Variants in MAST4 observed in about 807,000 individuals in gnomAD.
The protein encoded by MAST4 is microtubule-associated serine/threonine-protein kinase 4.
A neutral mutation model predicts 162.7 loss-of-function variants in MAST4; 89 were observed. That is an observed-to-expected ratio of 0.55 (90% CI 0.46 to 0.65). The LOEUF (loss-of-function observed/expected upper bound fraction) is 0.65. MAST4 is among the 30% of genes least tolerant of loss of function. MAST4 has a pLI of 0.00. For missense variants in MAST4, 3,153 were observed against 3,374.0 expected, an observed-to-expected ratio of 0.93 and a Z score of 1.62; for synonymous variants, 1,479 against 1,361.1, an observed-to-expected ratio of 1.09 and a Z score of -1.91.
intron 22 of MAST4, 139 bp from the exon 23 acceptor site, chr5:67,145,005 C>T (rs1163163589): frequency 4.5e-6 from 4 of 898,348 alleles, no homozygotes; most frequent in Non-Finnish European, 5.1e-6. Flanking sequence ...CTGTGGGTAC[C>T]ACACATTAAG....
At chr5:66,943,080 C>T (rs1743553583) in intron 4 of MAST4, among the ~76,000 whole-genome samples, 1 of 152,084 alleles carries the variant, frequency 6.6e-6, no homozygotes, top group Admixed American at 6.6e-5. Flanking sequence ...TAATCACCTT[C>T]CCCTTCCAAA....
intron 4 of MAST4, among the ~76,000 whole-genome samples, chr5:66,952,137 C>G (rs542093183): frequency 6.6e-6 from 1 of 152,260 alleles, no homozygotes; most frequent in East Asian, 1.9e-4. Context: ...ATGATGAACC[C>G]TCTCTGAGGA....
At chr5:66,857,580 T>C (rs1210872786) in intron 3 of MAST4, among the ~76,000 whole-genome samples, 1 of 152,224 alleles carries the variant, frequency 6.6e-6, no homozygotes, top group African/African-American at 2.4e-5. Context: ...ACTATTCTGA[T>C]GGGTGTGAAG....
At position 66,847,820 on chromosome 5, in the gene MAST4, C is replaced by CAAAAAAAAAAA. The variant is rs777825639; in HGVS notation, c.643-52118_643-52108dup. Among the ~76,000 whole-genome samples the CAAAAAAAAAAA allele has an allele frequency of 1.7e-3, 94 of 54,120 alleles. 4 individuals carry two copies. The highest frequency in any genetic ancestry group is 0.011 in the South Asian group (8 of 730). 35.5% of individuals were successfully genotyped at this position (54,120 alleles called of 152,430 possible). On this transcript the variant is annotated intron_variant, in intron 3 of 28. Coordinates refer to ENST00000403625, the MANE Select transcript of MAST4 (RefSeq NM_001164664.2). ...TGGGTGCTGGAACAAGACTCCTTCT[C>CAAAAAAAAAAA]AAAAAAAAAAAAAAAAAAAAAAAGA...
At chr5:66,640,699 G>A (rs1200426404) in intron 1 of MAST4, among the ~76,000 whole-genome samples, 1 of 152,224 alleles carries the variant, frequency 6.6e-6, no homozygotes, top group Non-Finnish European at 1.5e-5. Context: ...ACGTGGGATT[G>A]ACAATATCTC....
At chr5:67,106,505 G>A (rs1408907699) in intron 10 of MAST4, among the ~76,000 whole-genome samples, 1 of 152,092 alleles carries the variant, frequency 6.6e-6, no homozygotes, top group African/African-American at 2.4e-5. Flanking sequence ...GACCTTCATA[G>A]TTTACTTCCT....
chr5:67,123,386 C>T (rs144588432), intron 14 of MAST4, among the ~76,000 whole-genome samples: 1 of 152,212 alleles, frequency 6.6e-6, no homozygotes, highest in Non-Finnish European at 1.5e-5. Flanking sequence ...CACTTCTGAT[C>T]CCTGACTGGA....
At position 66,856,367 on chromosome 5, in the gene MAST4, G is replaced by C. The variant is rs184503103; in HGVS notation, c.643-43584G>C. Among the ~76,000 whole-genome samples the C allele has an allele frequency of 1.9e-3, 288 of 152,322 alleles. 4 individuals carry two copies. The highest frequency in any genetic ancestry group is 6.7e-3 in the African/African-American group (278 of 41,580). ...GAGCACTAAGGCCTGATCCCAGGTA[G>C]GACCTTGATGGTTTGGATGGGAAAA... On this transcript the variant is annotated intron_variant, in intron 3 of 28. Coordinates refer to ENST00000403625, the MANE Select transcript of MAST4 (RefSeq NM_001164664.2).
chr5:66,901,652 A>T (rs466002), intron 4 of MAST4, among the ~76,000 whole-genome samples: 149,273 of 152,272 alleles, frequency 0.98, 73,417 homozygotes, highest in African/African-American at 1. Context: ...AGCATTCAGA[A>T]GATGAGCATG....
At chr5:66,729,582 G>T (rs537233909) in intron 1 of MAST4, among the ~76,000 whole-genome samples, 1 of 152,120 alleles carries the variant, frequency 6.6e-6, no homozygotes, top group Non-Finnish European at 1.5e-5. Flanking sequence ...CATCAATGCT[G>T]CATATTGAGG....
Position 67,165,183 on chromosome 5 carries a change from T to G in MAST4, c.6004T>G (p.Phe2002Val). ...CAGAGAGCCCTCCATGGAACTGTGC[T>G]TTCCAGAAACTGCGAAAACCAGTGA... ...TCREPSMELC[F>V]PETAKTSDNS... The change falls in exon 29 of 29, where the codon TTT (phenylalanine) becomes GTT (valine). Residue 2002 changes from phenylalanine (F) to valine (V), a missense_variant. Physicochemically the swap from Phe to Val is conservative, Grantham distance 50. This residue lies in a region of MAST4 where 1,644 missense variants were observed against 1,495.0 expected (regional missense o/e 1.10). Coordinates refer to ENST00000403625, the MANE Select transcript of MAST4 (RefSeq NM_001164664.2). The G allele has an allele frequency of 6.2e-7, 1 of 1,606,788 alleles. No homozygotes were observed. The highest frequency in any genetic ancestry group is 8.5e-7 in the Non-Finnish European group (1 of 1,176,540).
At position 66,837,886 on chromosome 5, in the gene MAST4, ATATATATATTTTTTTTTT is replaced by A. The variant is rs1409435590; in HGVS notation, c.642+49094_642+49111del. Among the ~76,000 whole-genome samples the A allele has an allele frequency of 8.4e-3, 442 of 52,792 alleles. 7 individuals are homozygous for A. The highest frequency in any genetic ancestry group is 0.035 in the African/African-American group (388 of 11,190). The allele number at this position is 52,792 out of a possible 152,430, so 34.6% of individuals were successfully genotyped here. A position where few individuals can be genotyped will look rare whatever the true frequency, so the allele number is the denominator to read the frequency against. Reference sequence around the variant, plus strand: ...ATTTTATATATATATATATATATATATATATATATTTTTTTTTTTTTTTTTTTTTTTAATGTGGAGGTG... The same window carrying A: ...ATTTTATATATATATATATATATATATTTTTTTTTTTTTAATGTGGAGGTG... On this transcript the variant is annotated intron_variant, in intron 3 of 28. Transcript: ENST00000403625.
intron 1 of MAST4, among the ~76,000 whole-genome samples, chr5:66,623,979 A>T (rs1200786206): frequency 2.0e-5 from 3 of 152,200 alleles, no homozygotes; most frequent in Non-Finnish European, 4.4e-5. Flanking sequence ...ACTCTCTAAA[A>T]GGAAAATTAA....
At chr5:66,776,069 A>T (rs1314006877) in intron 2 of MAST4, among the ~76,000 whole-genome samples, 1 of 152,226 alleles carries the variant, frequency 6.6e-6, no homozygotes, top group Non-Finnish European at 1.5e-5. Context: ...TGTGAATTAG[A>T]CTGTATGTAA....
At chr5:66,660,088 A>G (rs1302747041) in intron 1 of MAST4, among the ~76,000 whole-genome samples, 1 of 152,148 alleles carries the variant, frequency 6.6e-6, no homozygotes, top group South Asian at 2.1e-4. Context: ...AGAGTGGCAC[A>G]TGAAAGTGCT....
chr5:67,095,956 C>T lies in MAST4; in HGVS notation c.912+281C>T, dbSNP rs139482261. On this transcript the variant is annotated intron_variant, in intron 7 of 28. Coordinates refer to ENST00000403625, the MANE Select transcript of MAST4 (RefSeq NM_001164664.2). ...CATTTTAATAACATTTGGTGTAGTT[C>T]GGGGGGAAAAACACAATCTAGTTTT... is the stretch of plus-strand genomic sequence containing the variant. Among the ~76,000 whole-genome samples the T allele has an allele frequency of 1.4e-3, 220 of 152,048 alleles. 2 individuals carry two copies. The highest frequency in any genetic ancestry group is 5.1e-3 in the African/African-American group (213 of 41,492).
rs554474493 is a variant in MAST4 at position 66,975,716 on chromosome 5, G to A, written c.674+75734G>A. ...TCCCTGTTTAAATGCTGTTTAGGCC[G>A]GGCACGGTGGCTCATGCCTGTAATC... is the stretch of plus-strand genomic sequence containing the variant. On this transcript the variant is annotated intron_variant, in intron 4 of 28. Transcript: ENST00000403625. Among the ~76,000 whole-genome samples, 17 of 152,240 alleles carry A rather than the reference G, an allele frequency of 1.1e-4. No homozygotes were observed. In the South Asian group the frequency reaches 2.5e-3, roughly 22 times the overall value.
At chr5:66,812,871 C>T (rs1756544737) in intron 3 of MAST4, among the ~76,000 whole-genome samples, 1 of 152,194 alleles carries the variant, frequency 6.6e-6, no homozygotes, top group African/African-American at 2.4e-5. Flanking sequence ...TCTGAAGTCA[C>T]CACCTCTCTT....
chr5:66,691,686 A>G (rs1297818629), intron 1 of MAST4, among the ~76,000 whole-genome samples: 1 of 152,122 alleles, frequency 6.6e-6, no homozygotes, highest in African/African-American at 2.4e-5. Flanking sequence ...AGGGCAGGCA[A>G]GGGACCTCCC....
Sources: gnomAD v4.1 joint callset for allele counts (sites outside exome capture counted in the v4.1 genomes callset) on GRCh38, gnomAD v4.1.1 for gene constraint, gnomAD v4.1.1 regional missense constraint, MANE v1.5 for transcripts, NCBI Gene and HGNC (gene_info 2026-07-23, HGNC 2026-07-21) for gene names.